The following DHX57 variants were observed in gnomAD, a reference collection of about 807,000 sequenced individuals.
DHX57 encodes the protein DExH-box helicase 57.
In DHX57, 105 loss-of-function variants were observed where a neutral mutation model predicts 156.2. The ratio of observed to expected loss-of-function variants is 0.67; its 90% CI spans 0.57 to 0.79. The LOEUF (loss-of-function observed/expected upper bound fraction) is 0.79. Among genes scored for constraint, DHX57 ranks in the 30% least tolerant of loss-of-function variants. The pLI is 0.00. For synonymous variants in DHX57, 704 were observed against 595.6 expected, an observed-to-expected ratio of 1.18 and a Z score of -2.65; for missense variants, 1,847 against 1,661.9, an observed-to-expected ratio of 1.11 and a Z score of -1.94.
chr2:38,850,174 A>T (rs1187039924), intron 9 of DHX57, among the ~76,000 whole-genome samples: 1 of 152,252 alleles, frequency 6.6e-6, no homozygotes, highest in African/African-American at 2.4e-5. Flanking sequence ...CTAACAAAGT[A>T]AACATCTATA....
At chr2:38,854,329 GC>G (rs1245426696) in intron 8 of DHX57, 151 bp from the exon 9 acceptor site, 10 of 662,206 alleles carry the variant, frequency 1.5e-5, no homozygotes, top group Non-Finnish European at 9.3e-6. Context: ...ATAGTTTCTT[GC>G]CAGGGACAGT....
At chr2:38,853,115 G>C (rs1201496109) in intron 9 of DHX57, 1 of 153,794 alleles carries the variant, frequency 6.5e-6, no homozygotes, top group Non-Finnish European at 1.4e-5. Flanking sequence ...GAGTGCAGTG[G>C]TGCTATCACA....
chr2:38,822,363 G>A (rs913465860), intron 17 of DHX57, among the ~76,000 whole-genome samples: 6 of 151,192 alleles, frequency 4.0e-5, no homozygotes, highest in Middle Eastern at 3.5e-3. Flanking sequence ...TTACAGGCGT[G>A]AGCCACCACG....
chr2:38,864,718 T>A (rs1257923788), intron 2 of DHX57, among the ~76,000 whole-genome samples: 3 of 152,164 alleles, frequency 2.0e-5, no homozygotes, highest in Non-Finnish European at 4.4e-5. Context: ...TGAGTGCACA[T>A]CTCCCTGTAG....
At chr2:38,872,519 A>C (rs1436565596) in intron 1 of DHX57, among the ~76,000 whole-genome samples, 2 of 152,228 alleles carry the variant, frequency 1.3e-5, no homozygotes, top group Non-Finnish European at 1.5e-5. Context: ...ACAATAAATG[A>C]AAAGTAAAAG....
In DHX57 at chr2:38,798,067, T is replaced by C; in HGVS notation, c.*232A>G. 1 of 419,136 alleles carries C rather than the reference T, an allele frequency of 2.4e-6. No individual in the cohort carries two copies. Among genetic ancestry groups the C allele is most frequent in the Non-Finnish European group, 4.4e-6 (1 of 228,690 alleles). The allele number at this position is 419,136 out of a possible 1,614,324, so 26.0% of individuals were successfully genotyped here. The stretch of plus-strand genomic sequence containing the variant: ...ATCACAGAGACAAAGACAGGCAAGC[T>C]GGGTTTTAGGCTCTCACCCTTGACA... On this transcript the variant is annotated 3_prime_UTR_variant, in exon 24 of 24. Transcript: ENST00000457308.
intron 2 of DHX57, among the ~76,000 whole-genome samples, chr2:38,866,016 A>T (rs1259067270): frequency 2.0e-5 from 3 of 152,188 alleles, no homozygotes; most frequent in Non-Finnish European, 4.4e-5. Flanking sequence ...GGAGGAAGGG[A>T]CAGCAAAATC....
chr2:38,852,625 T>TA (rs1257978018), intron 9 of DHX57, among the ~76,000 whole-genome samples: 3 of 150,298 alleles, frequency 2.0e-5, no homozygotes, highest in African/African-American at 4.9e-5. Flanking sequence ...TTTTTTTTTT[T>TA]AGAGATGGAG....
chr2:38,814,334 C>T (rs189341743), intron 20 of DHX57, among the ~76,000 whole-genome samples: 9 of 152,208 alleles, frequency 5.9e-5, no homozygotes. Flanking sequence ...ATTTCTATCT[C>T]TTTGCTAGAA....
intron 13 of DHX57, among the ~76,000 whole-genome samples, chr2:38,829,965 A>G (rs1406100795): frequency 6.6e-6 from 1 of 152,216 alleles, no homozygotes; most frequent in Non-Finnish European, 1.5e-5. Flanking sequence ...AAAACTGATT[A>G]TAGTATATTT....
intron 13 of DHX57, among the ~76,000 whole-genome samples, chr2:38,833,667 T>C (rs899318522): frequency 2.6e-5 from 4 of 152,312 alleles, no homozygotes; most frequent in African/African-American, 9.6e-5. Flanking sequence ...AGTACAGTAG[T>C]AGTAATAGTG....
At chr2:38,848,920 C>T (rs1009649253) in intron 9 of DHX57, among the ~76,000 whole-genome samples, 6 of 152,176 alleles carry the variant, frequency 3.9e-5, no homozygotes, top group African/African-American at 1.2e-4. Flanking sequence ...GGATGCTCAA[C>T]CTGTATAAAG....
intron 21 of DHX57, among the ~76,000 whole-genome samples, chr2:38,808,744 A>G (rs2148536365): frequency 6.6e-6 from 1 of 152,214 alleles, no homozygotes; most frequent in South Asian, 2.1e-4. Context: ...CACCAGCATT[A>G]TATTATTTAT....
At chr2:38,830,810 G>A (rs1215343121) in intron 13 of DHX57, among the ~76,000 whole-genome samples, 3 of 152,020 alleles carry the variant, frequency 2.0e-5, no homozygotes, top group Non-Finnish European at 4.4e-5. Context: ...AAATTTTATT[G>A]AGGTCAGGTG....
Position 38,861,647 on chromosome 2 carries a change from G to C in DHX57, c.763C>G (p.Leu255Val), listed in dbSNP as rs775351186. 6.2e-7 allele frequency: 1 copy of C among 1,614,146 alleles called. No homozygotes were observed. ...AATTTTTCTCCACAGATGGACTTGA[G>C]AGCAAATGCCTCTTCCTGTCGCTGT... Reference protein sequence around the residue: ...MEQRQEEAFALKSICGEKFIE... With the variant: ...MEQRQEEAFAVKSICGEKFIE... Residue 255 changes from leucine to valine, a missense_variant, in exon 5 of 24, where the codon CTC becomes GTC. Coordinates refer to ENST00000457308, the MANE Select transcript of DHX57 (RefSeq NM_198963.3).
At chr2:38,808,447 T>G (rs1367520130) in intron 21 of DHX57, among the ~76,000 whole-genome samples, 1 of 152,216 alleles carries the variant, frequency 6.6e-6, no homozygotes, top group Non-Finnish European at 1.5e-5. Flanking sequence ...AAGAACATTT[T>G]TCCATGTTGT....
At chr2:38,834,309 C>G (rs1201736547) in intron 13 of DHX57, among the ~76,000 whole-genome samples, 7 of 105,360 alleles carry the variant, frequency 6.6e-5, no homozygotes, top group Non-Finnish European at 1.8e-5. Flanking sequence ...CCAGCCTGGT[C>G]AACAAGAGCA....
chr2:38,820,888 A>G (rs1670774956), intron 17 of DHX57, among the ~76,000 whole-genome samples: 1 of 152,066 alleles, frequency 6.6e-6, no homozygotes, highest in Non-Finnish European at 1.5e-5. Flanking sequence ...AAAAAAAAAA[A>G]AAGGCAGACT....
At chr2:38,803,966 G>T (rs902923423) in intron 22 of DHX57, among the ~76,000 whole-genome samples, 2 of 151,834 alleles carry the variant, frequency 1.3e-5, no homozygotes, top group Non-Finnish European at 2.9e-5. Flanking sequence ...ATTTTTAGTA[G>T]AGATGGGGTT....
Sources: gnomAD v4.1 joint callset for allele counts (sites outside exome capture counted in the v4.1 genomes callset) on GRCh38, gnomAD v4.1.1 for gene constraint, MANE v1.5 for transcripts, NCBI Gene and HGNC (gene_info 2026-07-23, HGNC 2026-07-21) for gene names.